The following RUNX1T1 variants were observed in gnomAD, a reference collection of about 807,000 sequenced individuals.
RUNX1T1 encodes the protein protein CBFA2T1.
RUNX1T1 carries 4 observed loss-of-function variants against 62.8 expected under a neutral mutation model. The ratio of observed to expected loss-of-function variants is 0.06; its 90% CI spans 0.03 to 0.15. RUNX1T1 has a LOEUF of 0.15. RUNX1T1 is among the 10% of genes least tolerant of loss of function. The probability of loss-of-function intolerance (pLI) is 1.00; values close to 1 mark genes in which losing one functional copy is unlikely to be tolerated. For missense variants in RUNX1T1, 508 were observed against 754.3 expected (o/e 0.67, Z 3.82); for synonymous variants, 291 against 286.0 (o/e 1.02, Z -0.18).
At chr8:92,099,537 G>T in intron 1 of RUNX1T1, 1 of 743,890 alleles carries the variant, frequency 1.3e-6, no homozygotes, top group Non-Finnish European at 1.6e-6. Flanking sequence ...TGCCCAAACA[G>T]CAACAAATAA....
At chr8:92,084,300 G>A (rs1453071586) in intron 1 of RUNX1T1, among the ~76,000 whole-genome samples, 1 of 150,328 alleles carries the variant, frequency 6.7e-6, no homozygotes, top group Non-Finnish European at 1.5e-5. Flanking sequence ...TAGGAGGTGG[G>A]GGTGGGGGTG....
At chr8:92,014,442 A>C in intron 3 of RUNX1T1, 137 bp downstream of exon 4, 2 of 838,826 alleles carry the variant, frequency 2.4e-6, no homozygotes, top group Non-Finnish European at 3.6e-6. Flanking sequence ...CTATAGCATG[A>C]ATCAGACTTG....
chr8:91,981,526 G>A (rs1173113691), intron 8 of RUNX1T1, among the ~76,000 whole-genome samples: 8 of 142,764 alleles, frequency 5.6e-5, no homozygotes, highest in East Asian at 4.6e-4. Context: ...GCAATACTCC[G>A]GCCTCAGCCT....
chr8:91,966,842 T>C lies in RUNX1T1; in HGVS notation c.1458+3816A>G, dbSNP rs117420789. ...GATAGTAATACCAACTATCAGCCTATAAATCCAAGTAAAGTTTGAGAACTA... is the reference window on the plus strand; with the variant it reads ...GATAGTAATACCAACTATCAGCCTACAAATCCAAGTAAAGTTTGAGAACTA... On this transcript the variant is annotated intron_variant, in intron 10 of 10. Transcript: ENST00000396218. Among the ~76,000 whole-genome samples the C allele has an allele frequency of 8.7e-3, 1,328 of 152,246 alleles. 18 individuals are homozygous for C. The highest frequency in any genetic ancestry group is 0.012 in the Non-Finnish European group (850 of 68,028).
chr8:91,963,189 G>A (rs1287538719), intron 10 of RUNX1T1, among the ~76,000 whole-genome samples: 1 of 152,132 alleles, frequency 6.6e-6, no homozygotes, highest in Admixed American at 6.5e-5. Flanking sequence ...AGTATTGTCT[G>A]GTTCTGATCC....
At chr8:92,101,303 C>T (rs937811845), upstream of RUNX1T1, among the ~76,000 whole-genome samples, 1 of 152,114 alleles carries the variant, frequency 6.6e-6, no homozygotes, top group Admixed American at 6.5e-5. Context: ...AGGCTCTGGG[C>T]AGATTAATTA....
intron 2 of RUNX1T1, among the ~76,000 whole-genome samples, chr8:92,071,818 G>T (rs1833725554): frequency 6.6e-6 from 1 of 152,164 alleles, no homozygotes; most frequent in Admixed American, 6.5e-5. Flanking sequence ...CGGCTCCATG[G>T]TTCTGCATAT....
chr8:91,985,997 G>C, intron 8 of RUNX1T1, 127 bp downstream of exon 9: 1 of 739,078 alleles, frequency 1.4e-6, no homozygotes, highest in Non-Finnish European at 2.4e-6. Context: ...ACATATTGGA[G>C]GATATGTAAA....
At chr8:92,077,110 C>A (rs1834539507) in intron 1 of RUNX1T1, among the ~76,000 whole-genome samples, 1 of 151,982 alleles carries the variant, frequency 6.6e-6, no homozygotes, top group Admixed American at 6.6e-5. Context: ...ATAAAACAAG[C>A]AGGTTCTATT....
chr8:91,968,455 C>T (rs998357659), intron 10 of RUNX1T1, among the ~76,000 whole-genome samples: 14 of 152,182 alleles, frequency 9.2e-5, no homozygotes, highest in Admixed American at 4.6e-4. Context: ...CAGAACAATC[C>T]ATAAAATACT....
intron 3 of RUNX1T1, among the ~76,000 whole-genome samples, chr8:92,012,209 T>A (rs1348750061): frequency 3.9e-5 from 6 of 152,226 alleles, no homozygotes; most frequent in African/African-American, 1.4e-4. Context: ...GCCAATTTTT[T>A]AAAATCTATC....
chr8:92,016,637 T>G (rs990340511), intron 2 of RUNX1T1, among the ~76,000 whole-genome samples: 2 of 152,102 alleles, frequency 1.3e-5, no homozygotes, highest in Non-Finnish European at 2.9e-5. Flanking sequence ...ATCGTGCCAC[T>G]GCACTCCAGC....
intron 1 of RUNX1T1, among the ~76,000 whole-genome samples, chr8:92,087,490 C>T (rs1836313243): frequency 6.6e-6 from 1 of 152,132 alleles, no homozygotes; most frequent in Non-Finnish European, 1.5e-5. Context: ...TGAATCCTAC[C>T]TGTCTCAAGA....
intron 5 of RUNX1T1, among the ~76,000 whole-genome samples, chr8:91,996,479 G>C (rs534512894): frequency 3.9e-5 from 6 of 152,184 alleles, no homozygotes; most frequent in African/African-American, 1.4e-4. Flanking sequence ...GGGATTACAG[G>C]CGTGAGCCAC....
At chr8:92,049,386 G>A (rs1829899405) in intron 1 of RUNX1T1, among the ~76,000 whole-genome samples, 1 of 152,084 alleles carries the variant, frequency 6.6e-6, no homozygotes, top group Non-Finnish European at 1.5e-5. Flanking sequence ...AATCTTCTGT[G>A]GCCTTTTTCT....
intron 5 of RUNX1T1, among the ~76,000 whole-genome samples, chr8:91,995,860 G>A (rs1335624594): frequency 6.6e-6 from 1 of 152,182 alleles, no homozygotes; most frequent in Non-Finnish European, 1.5e-5. Flanking sequence ...GGATCTCTCT[G>A]GTGCTTCCTC....
At chr8:92,060,585 GTA>G (rs1335046731) in intron 1 of RUNX1T1, among the ~76,000 whole-genome samples, 40 of 142,324 alleles carry the variant, frequency 2.8e-4, no homozygotes, top group Non-Finnish European at 4.1e-4. Context: ...GTGTGTGTGT[GTA>G]TGTTGATATA....
chr8:92,065,208 T>C (rs1832699045), upstream of RUNX1T1, among the ~76,000 whole-genome samples: 1 of 152,188 alleles, frequency 6.6e-6, no homozygotes, highest in South Asian at 2.1e-4. Flanking sequence ...AAGGAGGATA[T>C]GGAGCCAAGA....
intron 8 of RUNX1T1, among the ~76,000 whole-genome samples, chr8:91,976,236 G>T (rs1337561591): frequency 6.6e-6 from 1 of 152,192 alleles, no homozygotes; most frequent in Non-Finnish European, 1.5e-5. Flanking sequence ...TATACAATAT[G>T]ATGTTTGGGA....
Sources: allele counts gnomAD v4.1 joint callset (sites outside exome capture counted in the v4.1 genomes callset), GRCh38; gene constraint gnomAD v4.1.1; transcripts MANE v1.5; gene names NCBI Gene and HGNC (gene_info 2026-07-23, HGNC 2026-07-21).